The following TJP1 variants were observed in gnomAD, a reference collection of about 807,000 sequenced individuals.
The protein encoded by TJP1 is tight junction protein ZO-1.
Under a neutral mutation model 194.2 loss-of-function variants are expected in TJP1, and 43 were observed. The ratio of observed to expected loss-of-function variants is 0.22; its 90% CI spans 0.17 to 0.29. TJP1 has a LOEUF of 0.29. Ranked by LOEUF, TJP1 falls within the 10% of genes least tolerant of loss-of-function variation. The pLI is 1.00. For synonymous variants in TJP1, 801 were observed against 779.0 expected (o/e 1.03, Z -0.47); for missense variants, 1,971 against 2,185.7 (o/e 0.90, Z 1.96).
intron 8 of TJP1, among the ~76,000 whole-genome samples, chr15:29,748,311 C>A (rs2151408476): frequency 6.6e-6 from 1 of 152,260 alleles, no homozygotes; most frequent in South Asian, 2.1e-4. Context: ...TTGGACTGGC[C>A]ACATTTCAAA....
intron 2 of TJP1, among the ~76,000 whole-genome samples, chr15:29,939,275 A>C (rs1236516342): frequency 6.6e-6 from 1 of 152,172 alleles, no homozygotes; most frequent in Non-Finnish European, 1.5e-5. Context: ...TCTTTTAGTC[A>C]TTATTCCTAA....
At chr15:29,950,191 C>CTCCTTCACTACCACCTCTATG (rs2055679915) in intron 2 of TJP1, among the ~76,000 whole-genome samples, 1 of 137,538 alleles carries the variant, frequency 7.3e-6, no homozygotes, top group Admixed American at 7.2e-5. Flanking sequence ...CCTCCACCAC[C>CTCCTTCACTACCACCTCTATG]ACCACCACTT....
intron 2 of TJP1, among the ~76,000 whole-genome samples, chr15:29,864,675 CT>C (rs1413429737): frequency 2.0e-5 from 3 of 151,918 alleles, no homozygotes; most frequent in Non-Finnish European, 4.4e-5. Flanking sequence ...ATTTCTGGAT[CT>C]TTTTTGTGGT....
intron 15 of TJP1, 106 bp downstream of exon 15, chr15:29,732,327 T>C: frequency 9.9e-7 from 1 of 1,008,252 alleles, no homozygotes; most frequent in Non-Finnish European, 1.5e-6. Context: ...ACTGCTAATT[T>C]TTCACTGACA....
intron 2 of TJP1, among the ~76,000 whole-genome samples, chr15:29,918,551 G>A (rs1567195824): frequency 6.6e-6 from 1 of 152,004 alleles, no homozygotes; most frequent in East Asian, 1.9e-4. Context: ...CCTGGGCAAT[G>A]TGGCGAAACC....
chr15:29,844,726 T>G (rs2051346910), intron 2 of TJP1, among the ~76,000 whole-genome samples: 1 of 152,182 alleles, frequency 6.6e-6, no homozygotes, highest in Non-Finnish European at 1.5e-5. Context: ...ATGTGAGTCA[T>G]GTATTACATA....
At chr15:29,770,623 T>G (rs2046603844) in intron 4 of TJP1, among the ~76,000 whole-genome samples, 1 of 150,656 alleles carries the variant, frequency 6.6e-6, no homozygotes, top group Non-Finnish European at 1.5e-5. Context: ...GAGCTTGCAG[T>G]GAGCCAAGAT....
intron 2 of TJP1, among the ~76,000 whole-genome samples, chr15:29,950,224 TACCTCC>T (rs763581146): frequency 1.6e-4 from 12 of 77,194 alleles, no homozygotes; most frequent in Non-Finnish European, 3.0e-4. Context: ...TTACCACCGC[TACCTCC>T]ACCACCACCA....
chr15:29,899,346 T>C (rs2053570246), intron 2 of TJP1, among the ~76,000 whole-genome samples: 1 of 152,256 alleles, frequency 6.6e-6, no homozygotes. Context: ...CCTATTGCAA[T>C]TTGAGTTCAT....
intron 18 of TJP1, among the ~76,000 whole-genome samples, chr15:29,724,790 G>C (rs143904563): frequency 5.9e-5 from 9 of 152,318 alleles, no homozygotes; most frequent in African/African-American, 2.2e-4. Context: ...CTTACAAAAT[G>C]CATCAGTCTA....
At chr15:29,824,800 C>T (rs2050629338), upstream of TJP1, among the ~76,000 whole-genome samples, 1 of 152,124 alleles carries the variant, frequency 6.6e-6, no homozygotes, top group Non-Finnish European at 1.5e-5. Context: ...CCTTATTTGT[C>T]ACTTTTACAA....
chr15:29,829,946 G>A (rs531198673), intron 2 of TJP1, among the ~76,000 whole-genome samples: 67 of 151,774 alleles, frequency 4.4e-4, no homozygotes, highest in Admixed American at 4.3e-3. Context: ...GCAATGATAT[G>A]AGACTTTTCT....
intron 11 of TJP1, among the ~76,000 whole-genome samples, chr15:29,735,588 GAAAAA>G (rs79594334): frequency 1.1e-5 from 1 of 91,690 alleles, no homozygotes; most frequent in African/African-American, 4.3e-5. Flanking sequence ...CTGTCTCAAG[GAAAAA>G]AAAAAAAAAA....
chr15:29,764,972 G>T (rs530797836), intron 5 of TJP1, among the ~76,000 whole-genome samples: 2 of 152,182 alleles, frequency 1.3e-5, no homozygotes, highest in South Asian at 4.2e-4. Flanking sequence ...ACCTTAAGTG[G>T]AAAAAAAGAT....
chr15:29,882,960 T>G (rs890915137), intron 2 of TJP1, among the ~76,000 whole-genome samples: 5 of 152,142 alleles, frequency 3.3e-5, no homozygotes, highest in Admixed American at 1.3e-4. Flanking sequence ...GACTTCTACA[T>G]GAAAGGAATA....
chr15:29,809,494 TA>T (rs1467997439), intron 1 of TJP1, among the ~76,000 whole-genome samples: 1 of 152,136 alleles, frequency 6.6e-6, no homozygotes, highest in Non-Finnish European at 1.5e-5. Context: ...AGAGAAATGT[TA>T]AACAATCACA....
intron 2 of TJP1, among the ~76,000 whole-genome samples, chr15:29,931,689 A>T (rs954833115): frequency 6.6e-6 from 1 of 152,166 alleles, no homozygotes; most frequent in African/African-American, 2.4e-5. Context: ...TGTTAGAGGA[A>T]AGGAGTCCCG....
At chr15:29,799,421 T>A (rs915741192) in intron 2 of TJP1, among the ~76,000 whole-genome samples, 1 of 151,878 alleles carries the variant, frequency 6.6e-6, no homozygotes. Context: ...AAAAAATTTT[T>A]TTTTTTTTTT....
In TJP1 at chr15:29,766,413, T is replaced by C. The variant is rs146166956; in HGVS notation, c.442A>G (p.Asn148Asp). Residue 148 changes from asparagine to aspartate, a missense_variant, in exon 5 of 28, where the codon AAC (asparagine) becomes GAC (aspartate). Around this residue, in one of 5 missense-constraint regions of TJP1, gnomAD observed 245 missense variants for 336.6 expected, o/e 0.73. Transcript: ENST00000614355. ...DPRSGRSGVV[N>D]RRSEKIWPRD... Reference sequence around the variant, plus strand: ...GGCCAAATCTTCTCACTCCTTCTGTTAACCACACCACTCCGGCCACTTCTT... The same window carrying C: ...GGCCAAATCTTCTCACTCCTTCTGTCAACCACACCACTCCGGCCACTTCTT... 2.8e-5 allele frequency: 46 copies of C among 1,614,182 alleles called. No individual in the cohort carries two copies. The highest frequency in any genetic ancestry group is 1.7e-4 in the Middle Eastern group (1 of 6,060).
Sources: allele counts gnomAD v4.1 joint callset (sites outside exome capture counted in the v4.1 genomes callset), GRCh38; gene constraint gnomAD v4.1.1; regional missense constraint gnomAD v4.1.1; transcripts MANE v1.5; gene names NCBI Gene and HGNC (gene_info 2026-07-23, HGNC 2026-07-21).